Variants in ALK observed in about 807,000 individuals in gnomAD.
ALK encodes ALK receptor tyrosine kinase.
In ALK, 74 loss-of-function variants were observed where a neutral mutation model predicts 163.1. The observed-to-expected ratio is 0.45, with a 90% CI of 0.38 to 0.55. The LOEUF is 0.55. ALK is among the 20% of genes least tolerant of loss of function. ALK has a pLI of 0.00. For missense variants in ALK, 2,063 were observed against 2,105.3 expected, an observed-to-expected ratio of 0.98 and a Z score of 0.39; for synonymous variants, 960 against 843.2, an observed-to-expected ratio of 1.14 and a Z score of -2.40.
At chr2:29,360,929 C>A (rs1668371203) in intron 5 of ALK, among the ~76,000 whole-genome samples, 1 of 152,208 alleles carries the variant, frequency 6.6e-6, no homozygotes, top group African/African-American at 2.4e-5. Flanking sequence ...CCTCCCACCA[C>A]CCCTGGTCAT....
intron 24 of ALK, among the ~76,000 whole-genome samples, 164 bp from the exon 25 acceptor site, chr2:29,210,042 A>G (rs1485928873): frequency 3.3e-5 from 5 of 152,220 alleles, no homozygotes; most frequent in Non-Finnish European, 7.3e-5. Flanking sequence ...CAGCCTTAAC[A>G]ATTCTAGGCC....
intron 1 of ALK, among the ~76,000 whole-genome samples, chr2:29,918,544 A>G (rs1667895739): frequency 1.3e-5 from 2 of 152,190 alleles, no homozygotes; most frequent in African/African-American, 4.8e-5. Context: ...TTCCAGCACT[A>G]AATGAAAAGG....
At chr2:29,833,522 A>G (rs1273200861) in intron 1 of ALK, among the ~76,000 whole-genome samples, 4 of 152,250 alleles carry the variant, frequency 2.6e-5, no homozygotes, top group African/African-American at 9.6e-5. Context: ...AAACATTAGG[A>G]AGAAATCCAA....
chr2:29,675,234 T>A (rs965158160), intron 3 of ALK, among the ~76,000 whole-genome samples: 14 of 152,104 alleles, frequency 9.2e-5, no homozygotes, highest in Non-Finnish European at 1.5e-4. Flanking sequence ...TTAACATTTT[T>A]AAAAATATAC....
intron 5 of ALK, among the ~76,000 whole-genome samples, chr2:29,367,212 G>A (rs963799784): frequency 2.0e-5 from 3 of 152,156 alleles, no homozygotes; most frequent in African/African-American, 7.2e-5. Flanking sequence ...GCCAGGCTCT[G>A]TGCTGGAGGG....
At chr2:29,675,278 T>C (rs1370033896) in intron 3 of ALK, among the ~76,000 whole-genome samples, 3 of 152,066 alleles carry the variant, frequency 2.0e-5, no homozygotes, top group African/African-American at 7.2e-5. Context: ...TATGGATCCA[T>C]CCTAATTAAT....
intron 1 of ALK, among the ~76,000 whole-genome samples, chr2:29,861,181 G>A (rs747280936): frequency 3.0e-4 from 46 of 152,126 alleles, no homozygotes; most frequent in Non-Finnish European, 6.3e-4. Flanking sequence ...CAAAAAGAAG[G>A]AGGAGGGTAA....
chr2:29,692,094 G>T (rs1234523583), intron 3 of ALK, among the ~76,000 whole-genome samples: 2 of 152,206 alleles, frequency 1.3e-5, no homozygotes, highest in African/African-American at 4.8e-5. Context: ...GCCCAGCTAT[G>T]CCTCAGAATC....
intron 1 of ALK, among the ~76,000 whole-genome samples, chr2:29,761,506 C>A (rs1196977221): frequency 6.6e-6 from 1 of 152,212 alleles, no homozygotes; most frequent in African/African-American, 2.4e-5. Context: ...GAGTTATGTT[C>A]TTCCTGGAGA....
Position 29,232,373 on chromosome 2 carries a change from T to C in ALK, c.2563A>G (p.Thr855Ala). ...GGRAYGAKTD[T>A]FHPERLENNS... Reference sequence around the variant, plus strand: ...TTCTCCAGTCTCTCTGGGTGGAACGTGTCTGTCTTGGCCCCGTAGGCCCTG... The same window carrying C: ...TTCTCCAGTCTCTCTGGGTGGAACGCGTCTGTCTTGGCCCCGTAGGCCCTG... The change falls in exon 15 of 29, where the codon ACG becomes GCG. Residue 855 changes from threonine (T) to alanine (A), a missense_variant. By Grantham distance (58) the Thr-to-Ala change is moderately conservative. Transcript: ENST00000389048. 1 of 1,614,250 alleles carries C rather than the reference T, an allele frequency of 6.2e-7. No individual in the cohort carries two copies. Among genetic ancestry groups the C allele is most frequent in the Non-Finnish European group, 8.5e-7 (1 of 1,180,040 alleles).
In ALK at chr2:29,193,294, G is replaced by A. The variant is rs577660779; in HGVS notation, c.4793C>T (p.Ala1598Val). ...QQGLPLEAAT[A>V]PGAGHYEDTI... is the part of the protein sequence containing the mutation. ...ATCCTCGTAATGACCAGCTCCAGGG[G>A]CAGTAGCGGCTTCTAAGGGCAAGCC... is the stretch of plus-strand genomic sequence containing the variant. Residue 1598 changes from alanine to valine, a missense_variant, in exon 29 of 29, where the codon GCC (alanine) becomes GTC (valine). By Grantham distance (64) the Ala-to-Val change is moderately conservative (BLOSUM62 0). Transcript: ENST00000389048. 4.9e-5 allele frequency: 79 copies of A among 1,614,184 alleles called. No individual in the cohort carries two copies. In the South Asian group the frequency reaches 8.6e-4, roughly 17 times the overall value.
intron 2 of ALK, among the ~76,000 whole-genome samples, chr2:29,706,212 C>T (rs1431565082): frequency 6.6e-6 from 1 of 152,196 alleles, no homozygotes; most frequent in Non-Finnish European, 1.5e-5. Flanking sequence ...GGCAGGTGGC[C>T]AAAATAAACT....
chr2:29,563,879 C>T (rs950108994), intron 3 of ALK, among the ~76,000 whole-genome samples: 5 of 152,138 alleles, frequency 3.3e-5, no homozygotes, highest in Non-Finnish European at 7.3e-5. Flanking sequence ...AGCACTGTGG[C>T]CTGACCAAGG....
At chr2:29,774,691 A>G (rs540376366) in intron 1 of ALK, among the ~76,000 whole-genome samples, 1 of 152,336 alleles carries the variant, frequency 6.6e-6, no homozygotes, top group African/African-American at 2.4e-5. Context: ...CTAGGAGGTA[A>G]AAATACAATG....
intron 3 of ALK, among the ~76,000 whole-genome samples, chr2:29,643,340 A>G (rs6752106): frequency 0.62 from 94,148 of 152,066 alleles, 30,085 homozygotes; most frequent in East Asian, 0.73. Flanking sequence ...AACATAACAA[A>G]GTTGACTTGA....
intron 4 of ALK, among the ~76,000 whole-genome samples, chr2:29,521,994 C>T (rs1235770063): frequency 6.6e-6 from 1 of 152,210 alleles, no homozygotes; most frequent in Admixed American, 6.5e-5. Context: ...TATAACTTTG[C>T]CATTTATTGC....
intron 7 of ALK, among the ~76,000 whole-genome samples, chr2:29,320,274 G>A (rs182449124): frequency 1.3e-5 from 2 of 152,200 alleles, no homozygotes; most frequent in Admixed American, 6.5e-5. Flanking sequence ...GAGGTAGGGG[G>A]ATGGCTGGAG....
At position 29,566,304 on chromosome 2, in the gene ALK, TC is replaced by T. The variant is rs758251637; in HGVS notation, c.953-34189del. 1.5e-4 allele frequency among the ~76,000 whole-genome samples: 23 copies of T among 152,222 alleles called. 1 individual carries two copies. Among genetic ancestry groups the T allele is most frequent in the Non-Finnish European group, 2.9e-4 (20 of 68,040 alleles). On this transcript the variant is annotated intron_variant, in intron 3 of 28. Coordinates refer to ENST00000389048, the MANE Select transcript of ALK (RefSeq NM_004304.5). Reference sequence around the variant, plus strand: ...GGTTTACACCGAGTTTGCCAGAACTTCCAGGAGGGGCTGCTAGCCTGCCTCA... The same window carrying T: ...GGTTTACACCGAGTTTGCCAGAACTTCAGGAGGGGCTGCTAGCCTGCCTCA...
intron 4 of ALK, among the ~76,000 whole-genome samples, chr2:29,526,026 G>C (rs1017276301): frequency 3.9e-5 from 6 of 152,134 alleles, no homozygotes; most frequent in Admixed American, 3.3e-4. Flanking sequence ...ATCTATCTTG[G>C]AGAACACAAG....
Sources: allele counts gnomAD v4.1 joint callset (sites outside exome capture counted in the v4.1 genomes callset), GRCh38; gene constraint gnomAD v4.1.1; transcripts MANE v1.5; gene names NCBI Gene and HGNC (gene_info 2026-07-23, HGNC 2026-07-21).